The following GOLGA3 variants were observed in gnomAD, a reference collection of about 807,000 sequenced individuals.
GOLGA3 encodes the protein golgin subfamily A member 3.
A neutral mutation model predicts 169.4 loss-of-function variants in GOLGA3; 75 were observed. The observed-to-expected ratio is 0.44, with a 90% CI of 0.37 to 0.54. The LOEUF (loss-of-function observed/expected upper bound fraction) is 0.54. Among genes scored for constraint, GOLGA3 ranks in the 20% least tolerant of loss-of-function variants. GOLGA3 has a pLI of 0.00. For missense variants in GOLGA3, 1,899 were observed against 1,930.0 expected (o/e 0.98, Z 0.30); for synonymous variants, 824 against 822.4 (o/e 1.00, Z -0.03).
chr12:132,787,564 T>G (rs1304389531), intron 13 of GOLGA3, among the ~76,000 whole-genome samples: 2 of 48,732 alleles, frequency 4.1e-5, no homozygotes, highest in Non-Finnish European at 9.6e-5. Flanking sequence ...CCAGGACCCT[T>G]CCTGAGACCC....
intron 11 of GOLGA3, among the ~76,000 whole-genome samples, chr12:132,793,703 C>T (rs1415513537): frequency 2.7e-5 from 4 of 147,772 alleles, no homozygotes; most frequent in Admixed American, 1.4e-4. Flanking sequence ...GACCCGCACT[C>T]GGAGGGCTCC....
At chr12:132,773,893 C>A (rs1297710857) in intron 23 of GOLGA3, among the ~76,000 whole-genome samples, 2 of 138,142 alleles carry the variant, frequency 1.4e-5, no homozygotes, top group Middle Eastern at 3.7e-3. Context: ...TTTATATAAA[C>A]CACAGAGGCT....
At chr12:132,799,993 G>A (rs745334930) in intron 8 of GOLGA3, among the ~76,000 whole-genome samples, 5 of 152,016 alleles carry the variant, frequency 3.3e-5, no homozygotes, top group African/African-American at 4.8e-5. Context: ...GGCCCGCCTC[G>A]GCCTCCCAAA....
At chr12:132,784,912 C>T (rs1337494036) in intron 15 of GOLGA3, among the ~76,000 whole-genome samples, 2 of 151,942 alleles carry the variant, frequency 1.3e-5, no homozygotes, top group Non-Finnish European at 1.5e-5. Flanking sequence ...TCACACCTCA[C>T]ACATGCACGG....
chr12:132,826,835 G>C (rs913360409), intron 1 of GOLGA3, among the ~76,000 whole-genome samples: 1 of 150,222 alleles, frequency 6.7e-6, no homozygotes, highest in South Asian at 2.1e-4. Flanking sequence ...GACAAAAAGC[G>C]ATCTCCGGGC....
intron 17 of GOLGA3, among the ~76,000 whole-genome samples, chr12:132,782,012 C>T (rs2045632582): frequency 6.6e-6 from 1 of 152,186 alleles, no homozygotes; most frequent in Non-Finnish European, 1.5e-5. Context: ...GGGGCTCCAG[C>T]CTCACCTCAG....
chr12:132,796,593 C>T lies in GOLGA3; in HGVS notation c.2046G>A (p.Glu682=). 6.2e-7 allele frequency: 1 copy of T among 1,613,946 alleles called. No individual in the cohort carries two copies. Among genetic ancestry groups the T allele is most frequent in the Non-Finnish European group, 8.5e-7 (1 of 1,180,024 alleles). Residue 682 remains glutamate (E), a synonymous_variant, in exon 10 of 24, where the codon GAG becomes GAA. Transcript: ENST00000450791. The stretch of plus-strand genomic sequence containing the variant: ...CCGAGTCCGCCATCCTCTGCAGCCG[C>T]TCCCTCTCACCTTCAAACTCTTCCA... ...RRLEEFEGER[E]RLQRMADSAA... is the part of the protein sequence containing the mutation.
Position 132,784,292 on chromosome 12 carries a change from G to T in GOLGA3, c.3139C>A (p.Leu1047Met), listed in dbSNP as rs147677490. The change falls in exon 16 of 24, where the codon CTG becomes ATG. Residue 1047 changes from leucine to methionine, a missense_variant. Coordinates refer to ENST00000450791, the MANE Select transcript of GOLGA3 (RefSeq NM_001389683.1). Reference protein sequence around the residue: ...SLALHERIQALEAELQAVSHS... With the variant: ...SLALHERIQAMEAELQAVSHS... ...CTGACAGCCTGCAGCTCCGCCTCCA[G>T]GGCCTGGATCCTTTCCTAAGGGCCA... 4.4e-6 allele frequency: 7 copies of T among 1,608,432 alleles called. No homozygotes were observed. In the African/African-American group the frequency reaches 6.7e-5, roughly 15 times the overall value.
rs1185836998 is a variant in GOLGA3 at position 132,808,035 on chromosome 12, A to G, written c.1034T>C (p.Val345Ala). 4.4e-6 allele frequency: 7 copies of G among 1,608,468 alleles called. No homozygotes were observed. The South Asian group carries it at 5.5e-5, about 13-fold the overall frequency. The change falls in exon 5 of 24, where the codon GTC becomes GCC. Residue 345 changes from valine to alanine, a missense_variant. By Grantham distance (64) the Val-to-Ala change is moderately conservative. Coordinates refer to ENST00000450791, the MANE Select transcript of GOLGA3 (RefSeq NM_001389683.1). ...ATCCGCAGGAATCTCCTGGCCGTTGACCATATAGGGGGTGTCCTGCGTGCC... is the reference window on the plus strand; with the variant it reads ...ATCCGCAGGAATCTCCTGGCCGTTGGCCATATAGGGGGTGTCCTGCGTGCC... ...TVGTQDTPYM[V>A]NGQEIPADTL...
At chr12:132,780,048 C>G (rs561847827) in intron 18 of GOLGA3, among the ~76,000 whole-genome samples, 23 of 147,608 alleles carry the variant, frequency 1.6e-4, no homozygotes, top group African/African-American at 5.5e-4. Flanking sequence ...GACACCCCCC[C>G]GCGCACATAC....
chr12:132,780,681 C>T (rs1187197375), intron 18 of GOLGA3, 117 bp downstream of exon 18: 2 of 703,788 alleles, frequency 2.8e-6, no homozygotes, highest in Non-Finnish European at 2.5e-6. Flanking sequence ...ACAACTGCAA[C>T]ACACCTTTGC....
chr12:132,769,686 G>T lies in GOLGA3; in HGVS notation c.*3419C>A, dbSNP rs561684648. 6.6e-6 allele frequency: 1 copy of T among 152,204 alleles called. No individual in the cohort carries two copies. Among genetic ancestry groups the T allele is most frequent in the South Asian group, 2.1e-4 (1 of 4,820 alleles). 9.4% of individuals were successfully genotyped at this position (152,204 alleles called of 1,614,324 possible). On this transcript the variant is annotated 3_prime_UTR_variant, in exon 24 of 24. Transcript: ENST00000450791. ...TAGCCTGTTGTGACACACGGTGTGG[G>T]GATGAACACGCCGCCCTAGCCCGTG...
chr12:132,816,529 C>G lies in GOLGA3; in HGVS notation c.406+11G>C. The G allele has an allele frequency of 6.2e-7, 1 of 1,608,186 alleles. No individual in the cohort carries two copies. The highest frequency in any genetic ancestry group is 8.5e-7 in the Non-Finnish European group (1 of 1,175,416). ...GTGGAGGGTGGGAAAAGCGGGGTAA[C>G]GGATGCTTACACAGTTGCGTTTCTT... On this transcript the variant is annotated intron_variant, in intron 3 of 23. Transcript: ENST00000450791.
intron 4 of GOLGA3, among the ~76,000 whole-genome samples, chr12:132,811,551 C>T (rs73489122): frequency 0.23 from 34,898 of 151,444 alleles, 4,145 homozygotes; most frequent in African/African-American, 0.27. Context: ...ACCTCTGCCG[C>T]CTGGGTTCAA....
chr12:132,780,930 G>A lies in GOLGA3; in HGVS notation c.3466-16C>T. 1.3e-6 allele frequency: 2 copies of A among 1,584,132 alleles called. No homozygotes were observed. Among genetic ancestry groups the A allele is most frequent in the African/African-American group, 1.3e-5 (1 of 74,566 alleles). On this transcript the variant is annotated splice_polypyrimidine_tract_variant and intron_variant, in intron 17 of 23. Transcript: ENST00000450791. ...CTGCCTGCACCTAGATCAGATTGCA[G>A]GAGGACAGATAAGGAAGGACGTCGA...
At chr12:132,780,105 G>A (rs1361832796) in intron 18 of GOLGA3, among the ~76,000 whole-genome samples, 2 of 78,572 alleles carry the variant, frequency 2.5e-5, no homozygotes, top group Non-Finnish European at 5.1e-5. Flanking sequence ...ACACTTGCAC[G>A]CACAGCCCCC....
chr12:132,821,946 C>CA (rs1950239446), intron 2 of GOLGA3, 50 bp downstream of exon 2: 2 of 1,274,390 alleles, frequency 1.6e-6, no homozygotes, highest in African/African-American at 3.1e-5. Flanking sequence ...CGTCCTCCCT[C>CA]AACACCAGGT....
Position 132,777,286 on chromosome 12 carries a change from C to T in GOLGA3, c.3723-196G>A, listed in dbSNP as rs1202159824. ...CGAAGCACCTGAGACTCACACTTCA[C>T]TGGCACCCCTCACAGATCCCAGAGA... On this transcript the variant is annotated intron_variant, in intron 19 of 23. Transcript: ENST00000450791. The surrounding 1 kb of genome is among the most constrained non-coding windows in gnomAD (Gnocchi z 4.7). 2.6e-5 allele frequency among the ~76,000 whole-genome samples: 4 copies of T among 152,200 alleles called. No individual in the cohort carries two copies. Among genetic ancestry groups the T allele is most frequent in the Non-Finnish European group, 5.9e-5 (4 of 68,032 alleles).
Position 132,804,216 on chromosome 12 carries a change from G to C in GOLGA3, c.1597+500C>G, listed in dbSNP as rs184685325. ...GACGGACAGTCAAGGAGCTGTTCTTGAATATTTTAAATGGAATCTGCAATT... is the reference window on the plus strand; with the variant it reads ...GACGGACAGTCAAGGAGCTGTTCTTCAATATTTTAAATGGAATCTGCAATT... On this transcript the variant is annotated intron_variant, in intron 7 of 23. Transcript: ENST00000450791. This position sits in a 1 kb window ranked among gnomAD's most constrained non-coding sequence, Gnocchi z 4.1. Among the ~76,000 whole-genome samples, 120 of 152,296 alleles carry C rather than the reference G, an allele frequency of 7.9e-4. 1 individual carries two copies. The highest frequency in any genetic ancestry group is 7.6e-3 in the Admixed American group (117 of 15,296).
Sources: allele counts gnomAD v4.1 joint callset (sites outside exome capture counted in the v4.1 genomes callset), GRCh38; gene constraint gnomAD v4.1.1; non-coding constraint Gnocchi (gnomAD v3.1); transcripts MANE v1.5; gene names NCBI Gene and HGNC (gene_info 2026-07-23, HGNC 2026-07-21).